PLEKHG1: variants seen among roughly 807,000 people sequenced by gnomAD.
PLEKHG1 encodes pleckstrin homology domain-containing family G member 1.
Under a neutral mutation model 100.8 loss-of-function variants are expected in PLEKHG1, and 44 were observed. The observed-to-expected ratio is 0.44, with a 90% confidence interval of 0.34 to 0.56. The LOEUF is 0.56. Among genes scored for constraint, PLEKHG1 ranks in the 20% least tolerant of loss-of-function variants. The pLI is 0.01. For synonymous variants in PLEKHG1, 640 were observed against 662.5 expected (o/e 0.97, Z 0.52); for missense variants, 1,545 against 1,720.9 (o/e 0.90, Z 1.81).
chr6:150,612,624 C>T (rs1285162952), intron 1 of PLEKHG1, among the ~76,000 whole-genome samples: 6 of 152,132 alleles, frequency 3.9e-5, no homozygotes, highest in African/African-American at 9.7e-5. Context: ...TGAGCCACCA[C>T]GCCCAGCCTG....
At chr6:150,650,379 C>CTCCT (rs1167164706) in intron 2 of PLEKHG1, among the ~76,000 whole-genome samples, 1 of 152,204 alleles carries the variant, frequency 6.6e-6, no homozygotes, top group African/African-American at 2.4e-5. Flanking sequence ...AGTCACTGAA[C>CTCCT]TCCTCTGTTT....
chr6:150,620,860 T>A (rs1777269982), intron 1 of PLEKHG1, among the ~76,000 whole-genome samples: 1 of 152,144 alleles, frequency 6.6e-6, no homozygotes, highest in South Asian at 2.1e-4. Context: ...ATCAGTGCCA[T>A]GAAGAATGGG....
At chr6:150,806,766 G>A (rs1158289151) in intron 7 of PLEKHG1, among the ~76,000 whole-genome samples, 1 of 147,072 alleles carries the variant, frequency 6.8e-6, no homozygotes, top group African/African-American at 2.5e-5. Flanking sequence ...AGGCAGAGAG[G>A]TTGCAGTGAG....
chr6:150,752,610 A>G (rs552334589), intron 2 of PLEKHG1, among the ~76,000 whole-genome samples: 1 of 152,338 alleles, frequency 6.6e-6, no homozygotes, highest in Admixed American at 6.5e-5. Context: ...TGCAACCTGC[A>G]TCAGGATTTA....
At position 150,745,635 on chromosome 6, in the gene PLEKHG1, A is replaced by G. The variant is rs375416262; in HGVS notation, c.411+11543A>G. 1.1e-4 allele frequency among the ~76,000 whole-genome samples: 16 copies of G among 151,706 alleles called. No homozygotes were observed. In the East Asian group the frequency reaches 1.6e-3, roughly 15 times the overall value. On this transcript the variant is annotated intron_variant, in intron 2 of 15. Transcript: ENST00000358517. ...GAGGCAGAGGTTGCAGTGAGCCTAG[A>G]TCACGCCGCTGCACTCCAGCCTGGG...
At chr6:150,810,808 C>G (rs984789959) in intron 10 of PLEKHG1, among the ~76,000 whole-genome samples, 3 of 151,992 alleles carry the variant, frequency 2.0e-5, no homozygotes, top group Non-Finnish European at 4.4e-5. Flanking sequence ...GTAGTCCCAG[C>G]TACTCAGGAG....
chr6:150,631,617 G>GA (rs1777752964), intron 1 of PLEKHG1, among the ~76,000 whole-genome samples: 1 of 152,234 alleles, frequency 6.6e-6, no homozygotes, highest in Non-Finnish European at 1.5e-5. Flanking sequence ...CTTGCAGTAA[G>GA]ACTTGTAGGA....
intron 3 of PLEKHG1, among the ~76,000 whole-genome samples, chr6:150,700,679 G>A (rs1451755586): frequency 6.6e-6 from 1 of 152,188 alleles, no homozygotes; most frequent in Non-Finnish European, 1.5e-5. Context: ...CTAACCGCCT[G>A]GGTTCAAATT....
At chr6:150,646,771 C>G (rs1778520062) in intron 2 of PLEKHG1, among the ~76,000 whole-genome samples, 1 of 152,180 alleles carries the variant, frequency 6.6e-6, no homozygotes, top group Non-Finnish European at 1.5e-5. Flanking sequence ...AATAGTGATT[C>G]TTTTGAGATT....
intron 1 of PLEKHG1, among the ~76,000 whole-genome samples, chr6:150,617,808 C>T (rs1323468799): frequency 1.2e-4 from 19 of 152,164 alleles, no homozygotes; most frequent in Admixed American, 1.0e-3. Context: ...CCTATTGCAG[C>T]TTATTGATGG....
chr6:150,676,548 G>A (rs558688195), intron 3 of PLEKHG1, among the ~76,000 whole-genome samples: 1 of 152,300 alleles, frequency 6.6e-6, no homozygotes, highest in South Asian at 2.1e-4. Context: ...TGAACCTGCT[G>A]TAGCTCTTCC....
intron 14 of PLEKHG1, among the ~76,000 whole-genome samples, chr6:150,828,965 A>G (rs531556443): frequency 6.6e-6 from 1 of 152,328 alleles, no homozygotes; most frequent in African/African-American, 2.4e-5. Flanking sequence ...AAAGAAATAA[A>G]TGGCTAATTG....
chr6:150,828,212 T>C, intron 14 of PLEKHG1: 1 of 1,613,808 alleles, frequency 6.2e-7, no homozygotes, highest in Non-Finnish European at 8.5e-7. Flanking sequence ...GTCCTCTGAG[T>C]GTTTGGCGGC....
chr6:150,631,222 T>C (rs1021950446), intron 1 of PLEKHG1, among the ~76,000 whole-genome samples: 2 of 152,196 alleles, frequency 1.3e-5, no homozygotes, highest in African/African-American at 4.8e-5. Flanking sequence ...TTGAAATAAA[T>C]ATATACAGCA....
chr6:150,704,490 C>T (rs1037407408), intron 3 of PLEKHG1, among the ~76,000 whole-genome samples: 7 of 152,360 alleles, frequency 4.6e-5, no homozygotes, highest in African/African-American at 1.7e-4. Context: ...AAGCGTTTTT[C>T]ATTGGGATGA....
chr6:150,728,920 A>G (rs1289569934), intron 1 of PLEKHG1, among the ~76,000 whole-genome samples: 3 of 152,226 alleles, frequency 2.0e-5, no homozygotes, highest in Non-Finnish European at 4.4e-5. Context: ...AAGTAAAATG[A>G]AACCAGTGAA....
chr6:150,794,059 G>T lies in PLEKHG1; in HGVS notation c.583-1797G>T, dbSNP rs147846304. 2.4e-4 allele frequency among the ~76,000 whole-genome samples: 36 copies of T among 152,322 alleles called. No individual in the cohort carries two copies. In the East Asian group the frequency reaches 6.7e-3, roughly 29 times the overall value. On this transcript the variant is annotated intron_variant, in intron 4 of 15. Transcript: ENST00000358517. ...ATCGTGCCACTGCACTCCAGCCTGG[G>T]CAACAGAGCGAGAATCCATCTCAAA...
At chr6:150,822,170 A>AC (rs1776341799) in intron 13 of PLEKHG1, among the ~76,000 whole-genome samples, 1 of 150,818 alleles carries the variant, frequency 6.6e-6, no homozygotes, top group South Asian at 2.1e-4. Context: ...AAAAAAAAAA[A>AC]AAAAAAAAGA....
intron 2 of PLEKHG1, among the ~76,000 whole-genome samples, chr6:150,647,551 A>G (rs902437036): frequency 2.0e-5 from 3 of 152,152 alleles, no homozygotes; most frequent in African/African-American, 4.8e-5. Flanking sequence ...AGTGTAGACT[A>G]TAAGTTTAGC....
Sources: allele counts gnomAD v4.1 joint callset (sites outside exome capture counted in the v4.1 genomes callset), GRCh38; gene constraint gnomAD v4.1.1; transcripts MANE v1.5; gene names NCBI Gene and HGNC (gene_info 2026-07-23, HGNC 2026-07-21).